Variants in PCDHGB6 observed in about 807,000 individuals in gnomAD.
The protein encoded by PCDHGB6 is protocadherin gamma-B6.
In PCDHGB6, 51 loss-of-function variants were observed where a neutral mutation model predicts 59.1. The observed-to-expected ratio is 0.86, with a 90% CI of 0.69 to 1.09. The LOEUF (loss-of-function observed/expected upper bound fraction) is 1.09, where lower values mean the gene tolerates loss of function less well. PCDHGB6 is among the 50% of genes least tolerant of loss of function. PCDHGB6 has a pLI of 0.00. For synonymous variants in PCDHGB6, 466 were observed against 495.1 expected, an observed-to-expected ratio of 0.94 and a Z score of 0.78; for missense variants, 1,148 against 1,205.1, an observed-to-expected ratio of 0.95 and a Z score of 0.70.
At chr5:141,447,675 C>T (rs1416110491) in intron 1 of PCDHGB6, among the ~76,000 whole-genome samples, 13 of 152,064 alleles carry the variant, frequency 8.5e-5, no homozygotes, top group Admixed American at 8.5e-4. Context: ...TAGAACTGTT[C>T]CATATCTTGA....
chr5:141,428,154 T>C, intron 1 of PCDHGB6: 2 of 1,578,924 alleles, frequency 1.3e-6, no homozygotes, highest in Non-Finnish European at 1.7e-6. Flanking sequence ...CACGGGAACC[T>C]GCTGGTTGCT....
intron 1 of PCDHGB6, among the ~76,000 whole-genome samples, chr5:141,474,082 CA>C (rs1449032579): frequency 1.3e-5 from 2 of 151,946 alleles, no homozygotes; most frequent in Non-Finnish European, 2.9e-5. Flanking sequence ...AAACAAAAAC[CA>C]AAAAACAAAC....
rs183968443 is a variant in PCDHGB6 at position 141,495,033 on chromosome 5, G to A, written c.2477+168G>A. On this transcript the variant is annotated intron_variant, in intron 2 of 3. Coordinates refer to ENST00000520790, the MANE Select transcript of PCDHGB6 (RefSeq NM_018926.3). ...GGGGCTGGCACACAGACCCCGGAAG[G>A]AAGAGGCGACTGCCCTGACTGTTCA... is the stretch of plus-strand genomic sequence containing the variant. 1.4e-3 allele frequency: 1,380 copies of A among 968,234 alleles called. 4 individuals are homozygous for A. Among genetic ancestry groups the A allele is most frequent in the Middle Eastern group, 5.3e-3 (10 of 1,888 alleles). 60.0% of individuals were successfully genotyped at this position (968,234 alleles called of 1,614,324 possible).
chr5:141,415,380 C>G (rs759710024), intron 1 of PCDHGB6: 1 of 1,614,250 alleles, frequency 6.2e-7, no homozygotes, highest in South Asian at 1.1e-5. Flanking sequence ...CAGGAGGCGG[C>G]TTGACAGGTG....
Position 141,432,035 on chromosome 5 carries a change from G to T in PCDHGB6, c.2418+21415G>T. 1 of 1,614,218 alleles carries T rather than the reference G, an allele frequency of 6.2e-7. No homozygotes were observed. The highest frequency in any genetic ancestry group is 1.1e-5 in the South Asian group (1 of 91,066). On this transcript the variant is annotated intron_variant, in intron 1 of 3. Transcript: ENST00000520790. The surrounding 1 kb of genome is among the most constrained non-coding windows in gnomAD (Gnocchi z 6.0). ...CTACAACATCACAGTGACCGCCACT[G>T]ACCGGGGAACCCCGCCCCTATCCAC... is the stretch of plus-strand genomic sequence containing the variant.
At chr5:141,473,944 CTGTA>C (rs2099333270) in intron 1 of PCDHGB6, among the ~76,000 whole-genome samples, 2 of 152,156 alleles carry the variant, frequency 1.3e-5, no homozygotes, top group Non-Finnish European at 2.9e-5. Context: ...TAGCTCAGGC[CTGTA>C]GTCCCATCTA....
At position 141,408,901 on chromosome 5, in the gene PCDHGB6, G is replaced by A. The variant is rs529239605; in HGVS notation, c.699G>A (p.Lys233=). Residue 233 remains lysine, a synonymous_variant, in exon 1 of 4, where the codon AAG becomes AAA. Transcript: ENST00000520790. ...CCGCTCACATAGAAATTTCTGTCAA[G>A]GATACCAATGATAACCCCCCGGTTT... ...SATAHIEISV[K]DTNDNPPVFS... 269 of 1,613,216 alleles carry A rather than the reference G, an allele frequency of 1.7e-4. 6 individuals carry two copies. The South Asian group carries it at 2.8e-3, about 17-fold the overall frequency.
At chr5:141,492,191 G>A (rs996614987) in intron 1 of PCDHGB6, among the ~76,000 whole-genome samples, 1 of 152,204 alleles carries the variant, frequency 6.6e-6, no homozygotes, top group African/African-American at 2.4e-5. Context: ...ACCTGTCTGC[G>A]GGACTTAGGT....
intron 1 of PCDHGB6, chr5:141,419,568 A>T: frequency 1.2e-6 from 2 of 1,611,742 alleles, no homozygotes; most frequent in African/African-American, 2.7e-5. Flanking sequence ...CTGGGTCCCG[A>T]CGGCTCCGCG....
At position 141,511,108 on chromosome 5, in the gene PCDHGB6, G is replaced by A; in HGVS notation, c.2728G>A (p.Asp910Asn). The A allele has an allele frequency of 6.2e-7, 1 of 1,614,244 alleles. No homozygotes were observed. The highest frequency in any genetic ancestry group is 2.2e-5 in the East Asian group (1 of 44,882). Residue 910 changes from aspartate (D) to asparagine (N), a missense_variant, in exon 4 of 4, where the codon GAT (aspartate) becomes AAT (asparagine). Physicochemically the swap from Asp to Asn is conservative, Grantham distance 23. This residue lies in a region of PCDHGB6 where 283 missense variants were observed against 318.6 expected (regional missense o/e 0.89). Coordinates refer to ENST00000520790, the MANE Select transcript of PCDHGB6 (RefSeq NM_018926.3). ...ATLTNAAGKR[D>N]GKAPAGGNGN... Reference sequence around the variant, plus strand: ...ACTGACCAACGCAGCTGGCAAGCGGGATGGCAAGGCCCCAGCAGGTGGCAA... The same window carrying A: ...ACTGACCAACGCAGCTGGCAAGCGGAATGGCAAGGCCCCAGCAGGTGGCAA...
intron 2 of PCDHGB6, among the ~76,000 whole-genome samples, chr5:141,502,865 T>C (rs538731947): frequency 3.0e-5 from 4 of 131,428 alleles, no homozygotes; most frequent in Non-Finnish European, 6.3e-5. Context: ...TGACTCTCTG[T>C]CTTTTTTTTT....
rs188117490 is a variant in PCDHGB6 at position 141,507,256 on chromosome 5, C to G, written c.2566+1775C>G. 3 of 152,178 alleles carry G rather than the reference C, an allele frequency of 2.0e-5. No individual in the cohort carries two copies. In the East Asian group the frequency reaches 5.8e-4, roughly 29 times the overall value. The allele number at this position is 152,178 out of a possible 1,614,324, so 9.4% of individuals were successfully genotyped here. ...CAGTTACAGTTGAATGTCAGATAAA[C>G]AGCAAGTACTATTTCAGCATAAGTC... On this transcript the variant is annotated intron_variant, in intron 3 of 3. Coordinates refer to ENST00000520790, the MANE Select transcript of PCDHGB6 (RefSeq NM_018926.3).
Position 141,408,856 on chromosome 5 carries a change from G to T in PCDHGB6, c.654G>T (p.Gly218=). The stretch of plus-strand genomic sequence containing the variant: ...TGATATTGACTGCCTTGGACGGAGG[G>T]GACCCACCAAGAAGTGCCACCGCTC... The part of the protein sequence containing the change: ...HSLILTALDG[G]DPPRSATAHI... The change falls in exon 1 of 4, where the codon GGG becomes GGT. Residue 218 remains glycine, a synonymous_variant. Transcript: ENST00000520790. 1 of 1,613,518 alleles carries T rather than the reference G, an allele frequency of 6.2e-7. No homozygotes were observed. Among genetic ancestry groups the T allele is most frequent in the Non-Finnish European group, 8.5e-7 (1 of 1,179,792 alleles).
Position 141,432,492 on chromosome 5 carries a change from C to A in PCDHGB6, c.2418+21872C>A. On this transcript the variant is annotated intron_variant, in intron 1 of 3. Transcript: ENST00000520790. The surrounding 1 kb of genome is among the most constrained non-coding windows in gnomAD (Gnocchi z 6.0). ...GACGGTTCCACTGGCGTGGAGCTGG[C>A]TCCCCGCTCCGCAGAGCCCGGCTAC... 6.2e-7 allele frequency: 1 copy of A among 1,614,168 alleles called. No individual in the cohort carries two copies. Among genetic ancestry groups the A allele is most frequent in the Admixed American group, 1.7e-5 (1 of 60,034 alleles).
intron 1 of PCDHGB6, among the ~76,000 whole-genome samples, chr5:141,450,112 T>G (rs2098669735): frequency 6.6e-6 from 1 of 150,618 alleles, no homozygotes; most frequent in Non-Finnish European, 1.5e-5. Context: ...GTTCAAATGA[T>G]TCTCCTGCCT....
Position 141,408,741 on chromosome 5 carries a change from T to C in PCDHGB6, c.539T>C (p.Leu180Ser). 1 of 1,610,092 alleles carries C rather than the reference T, an allele frequency of 6.2e-7. No homozygotes were observed. The highest frequency in any genetic ancestry group is 8.5e-7 in the Non-Finnish European group (1 of 1,177,834). ...YKINSNPYFSLMVRVNSDGGK... is the reference protein window; with the variant it reads ...YKINSNPYFSSMVRVNSDGGK... ...ATAAACTCTAATCCTTATTTTTCAT[T>C]AATGGTTAGAGTTAATTCCGATGGT... Residue 180 changes from leucine to serine, a missense_variant, in exon 1 of 4, where the codon TTA becomes TCA. Physicochemically the swap from Leu to Ser is moderately radical, Grantham distance 145. This residue lies in a region of PCDHGB6 where 307 missense variants were observed against 323.8 expected (regional missense o/e 0.95). Transcript: ENST00000520790.
chr5:141,417,954 C>G, intron 1 of PCDHGB6: 2 of 1,613,600 alleles, frequency 1.2e-6, no homozygotes, highest in South Asian at 1.1e-5. Flanking sequence ...CTGTGTGAGC[C>G]GATCCGCTAC....
intron 1 of PCDHGB6, chr5:141,422,878 C>T: frequency 6.2e-7 from 1 of 1,614,264 alleles, no homozygotes; most frequent in African/African-American, 1.3e-5. Flanking sequence ...GTCGCTGAGC[C>T]TGTTCGTGCT....
Position 141,432,846 on chromosome 5 carries a change from C to T in PCDHGB6, c.2418+22226C>T, listed in dbSNP as rs1312403897. ...GACCTCACTCTGTACCTGGTGGTAGCGGTGGCCGCGGTCTCCTGCGTCTTC... is the reference window on the plus strand; with the variant it reads ...GACCTCACTCTGTACCTGGTGGTAGTGGTGGCCGCGGTCTCCTGCGTCTTC... On this transcript the variant is annotated intron_variant, in intron 1 of 3. Transcript: ENST00000520790. The surrounding 1 kb of genome is among the most constrained non-coding windows in gnomAD (Gnocchi z 6.0). 2.5e-6 allele frequency: 4 copies of T among 1,614,192 alleles called. No homozygotes were observed. The African/African-American group carries it at 5.3e-5, about 22-fold the overall frequency.
Sources: allele counts gnomAD v4.1 joint callset (sites outside exome capture counted in the v4.1 genomes callset), GRCh38; gene constraint gnomAD v4.1.1; regional missense constraint gnomAD v4.1.1; non-coding constraint Gnocchi (gnomAD v3.1); transcripts MANE v1.5; gene names NCBI Gene and HGNC (gene_info 2026-07-23, HGNC 2026-07-21).